The following SUGCT variants were observed in gnomAD, a reference collection of about 807,000 sequenced individuals.
The protein encoded by SUGCT is succinyl-CoA:glutarate-CoA transferase.
A neutral mutation model predicts 55.0 loss-of-function variants in SUGCT; 41 were observed. That is an observed-to-expected ratio of 0.74 (90% CI 0.58 to 0.97). The LOEUF (loss-of-function observed/expected upper bound fraction) is 0.97. Ranked by LOEUF, SUGCT falls within the 50% of genes least tolerant of loss-of-function variation. SUGCT has a pLI of 0.00. For synonymous variants in SUGCT, 187 were observed against 200.4 expected, an observed-to-expected ratio of 0.93 and a Z score of 0.56; for missense variants, 568 against 547.8, an observed-to-expected ratio of 1.04 and a Z score of -0.37.
intron 9 of SUGCT, among the ~76,000 whole-genome samples, chr7:40,374,920 T>A (rs915305683): frequency 6.6e-6 from 1 of 152,152 alleles, no homozygotes; most frequent in Non-Finnish European, 1.5e-5. Flanking sequence ...ATGGATGCTA[T>A]CTGGCCCTCT....
At chr7:40,603,365 G>A (rs762193131) in intron 12 of SUGCT, among the ~76,000 whole-genome samples, 5 of 152,130 alleles carry the variant, frequency 3.3e-5, no homozygotes, top group Admixed American at 2.6e-4. Context: ...AAAAAGAAGT[G>A]ATTTCCTCTA....
intron 11 of SUGCT, among the ~76,000 whole-genome samples, chr7:40,466,068 T>A (rs55817347): frequency 0.11 from 16,691 of 151,974 alleles, 1,176 homozygotes; most frequent in Middle Eastern, 0.2. Context: ...TAATTTTTTT[T>A]AAAAAGATAG....
intron 1 of SUGCT, among the ~76,000 whole-genome samples, chr7:40,162,046 A>G (rs1436253082): frequency 1.3e-5 from 2 of 151,768 alleles, no homozygotes; most frequent in African/African-American, 4.8e-5. Context: ...ACAGGCGCCC[A>G]CCACTATGCC....
the SUGCT span, among the ~76,000 whole-genome samples, chr7:40,905,087 C>T: frequency 2.0e-5 from 3 of 152,114 alleles, no homozygotes; most frequent in Admixed American, 6.5e-5. Context: ...TAACAATTTT[C>T]GAGCATTTTC....
intron 13 of SUGCT, among the ~76,000 whole-genome samples, chr7:40,752,836 T>C (rs1584387392): frequency 2.6e-5 from 4 of 152,352 alleles, no homozygotes; most frequent in Middle Eastern, 6.8e-3. Context: ...CTCCTTTTTT[T>C]GTTTTAATCT....
At chr7:40,701,385 C>T (rs1467643548) in intron 12 of SUGCT, among the ~76,000 whole-genome samples, 3 of 152,198 alleles carry the variant, frequency 2.0e-5, no homozygotes, top group Non-Finnish European at 4.4e-5. Context: ...GCCCTGTGGG[C>T]GTCAGCTTCG....
chr7:40,695,501 C>A lies in SUGCT; in HGVS notation c.1090-53933C>A, dbSNP rs556899808. On this transcript the variant is annotated intron_variant, in intron 12 of 13. Transcript: ENST00000335693. ...ACATGAGTCTGCGCCCAGCCCAAAC[C>A]CTTATTAAAATACAAACATGTTTCT... is the stretch of plus-strand genomic sequence containing the variant. Among the ~76,000 whole-genome samples the A allele has an allele frequency of 2.6e-5, 4 of 152,062 alleles. No homozygotes were observed. In the East Asian group the frequency reaches 5.8e-4, roughly 22 times the overall value.
chr7:40,728,859 G>A (rs1011471940), intron 12 of SUGCT, among the ~76,000 whole-genome samples: 1 of 152,134 alleles, frequency 6.6e-6, no homozygotes, highest in African/African-American at 2.4e-5. Context: ...TAACCATAAC[G>A]GTAATTGCAA....
chr7:40,973,262 G>A, the SUGCT span, among the ~76,000 whole-genome samples: 1 of 152,102 alleles, frequency 6.6e-6, no homozygotes, highest in Admixed American at 6.6e-5. Flanking sequence ...GCTGATAGGT[G>A]AATTTTAATG....
At chr7:40,732,301 C>T (rs1470606399) in intron 12 of SUGCT, among the ~76,000 whole-genome samples, 1 of 152,170 alleles carries the variant, frequency 6.6e-6, no homozygotes, top group Non-Finnish European at 1.5e-5. Flanking sequence ...CCTTGCCTCT[C>T]TTATGAGAAC....
intron 12 of SUGCT, among the ~76,000 whole-genome samples, chr7:40,657,193 G>A (rs905141417): frequency 2.0e-5 from 3 of 152,036 alleles, no homozygotes; most frequent in African/African-American, 7.2e-5. Context: ...CATGAAAACA[G>A]TTATATGTAT....
At chr7:40,390,952 C>T (rs183557327) in intron 9 of SUGCT, among the ~76,000 whole-genome samples, 1 of 152,176 alleles carries the variant, frequency 6.6e-6, no homozygotes, top group Non-Finnish European at 1.5e-5. Context: ...ACCAATGGAA[C>T]AGAACAGAAC....
chr7:40,665,649 T>C (rs898480282), intron 12 of SUGCT, among the ~76,000 whole-genome samples: 1 of 151,676 alleles, frequency 6.6e-6, no homozygotes, highest in African/African-American at 2.4e-5. Flanking sequence ...CCAGAAGCCA[T>C]TGTAGGGAAA....
chr7:40,868,216 C>T, the SUGCT span, among the ~76,000 whole-genome samples: 11 of 152,136 alleles, frequency 7.2e-5, no homozygotes, highest in South Asian at 2.1e-4. Context: ...AACAAAAATA[C>T]GGGATACATG....
chr7:40,309,911 ATGACCATGC>A (rs1795058381), intron 8 of SUGCT, among the ~76,000 whole-genome samples: 1 of 149,714 alleles, frequency 6.7e-6, no homozygotes, highest in Non-Finnish European at 1.5e-5. Context: ...AAAAAAACAC[ATGACCATGC>A]TGATTTAAAT....
chr7:40,627,232 G>A (rs1466908462), intron 12 of SUGCT, among the ~76,000 whole-genome samples: 1 of 152,232 alleles, frequency 6.6e-6, no homozygotes, highest in Non-Finnish European at 1.5e-5. Flanking sequence ...AACAAAAGCA[G>A]AGATGTATTG....
At chr7:40,972,607 C>G in the SUGCT span, among the ~76,000 whole-genome samples, 1 of 152,154 alleles carries the variant, frequency 6.6e-6, no homozygotes, top group African/African-American at 2.4e-5. Flanking sequence ...TAAGCCTGCT[C>G]TTTGTCTCAG....
the SUGCT span, among the ~76,000 whole-genome samples, chr7:40,993,242 C>T: frequency 6.6e-6 from 1 of 152,100 alleles, no homozygotes; most frequent in Non-Finnish European, 1.5e-5. Flanking sequence ...AGAAGTCTTT[C>T]TACTACCCAC....
At chr7:40,672,043 A>G (rs916410721) in intron 12 of SUGCT, among the ~76,000 whole-genome samples, 8 of 152,194 alleles carry the variant, frequency 5.3e-5, no homozygotes, top group Admixed American at 6.5e-5. Context: ...AATATACCCA[A>G]TTGATTTTTG....
Sources: gnomAD v4.1 joint callset for allele counts (sites outside exome capture counted in the v4.1 genomes callset) on GRCh38, gnomAD v4.1.1 for gene constraint, MANE v1.5 for transcripts, NCBI Gene and HGNC (gene_info 2026-07-23, HGNC 2026-07-21) for gene names.